AGTPBP1: variants seen among roughly 807,000 people sequenced by gnomAD.
The protein encoded by AGTPBP1 is cytosolic carboxypeptidase 1.
AGTPBP1 carries 70 observed loss-of-function variants against 143.9 expected under a neutral mutation model. The ratio of observed to expected loss-of-function variants is 0.49; its 90% CI spans 0.40 to 0.59. The LOEUF is 0.59. AGTPBP1 is among the 20% of genes least tolerant of loss of function. The pLI is 0.00. For missense variants in AGTPBP1, 1,229 were observed against 1,464.5 expected, an observed-to-expected ratio of 0.84 and a Z score of 2.62; for synonymous variants, 463 against 500.2, an observed-to-expected ratio of 0.93 and a Z score of 0.99.
chr9:85,572,234 GC>G (rs1827549450), intron 25 of AGTPBP1, among the ~76,000 whole-genome samples: 1 of 151,936 alleles, frequency 6.6e-6, no homozygotes, highest in East Asian at 1.9e-4. Context: ...CGCCATGTTG[GC>G]CAGGCTGGTC....
At chr9:85,645,661 C>G (rs1337707787) in intron 12 of AGTPBP1, among the ~76,000 whole-genome samples, 7 of 151,898 alleles carry the variant, frequency 4.6e-5, no homozygotes, top group Non-Finnish European at 7.4e-5. Context: ...CCTCCTCCCC[C>G]ATAAAAAAAA....
chr9:85,600,649 G>T lies in AGTPBP1; in HGVS notation c.2336-4200C>A, dbSNP rs113391828. On this transcript the variant is annotated intron_variant, in intron 17 of 25. Transcript: ENST00000357081. ...TACAGACTCCTCCAATCCTAGCCAGGGGGGAGCCCTCCATCCTCACAGGTC... is the reference window on the plus strand; with the variant it reads ...TACAGACTCCTCCAATCCTAGCCAGTGGGGAGCCCTCCATCCTCACAGGTC... Among the ~76,000 whole-genome samples, 39 of 152,152 alleles carry T rather than the reference G, an allele frequency of 2.6e-4. No individual in the cohort carries two copies. In the East Asian group the frequency reaches 7.2e-3, roughly 28 times the overall value.
rs777830669 is a variant in AGTPBP1, at chr9:85,630,391, C to CTTACTTAT, written c.2015+2270_2015+2271insATAAGTAA. 5.3e-5 allele frequency among the ~76,000 whole-genome samples: 8 copies of CTTACTTAT among 151,486 alleles called. No homozygotes were observed. The South Asian group carries it at 1.0e-3, about 20-fold the overall frequency. ...CAGGATTGACTTACTTACTTACTTA[C>CTTACTTAT]TTATTTATTTAGTTATTTATTTATT... is the stretch of plus-strand genomic sequence containing the variant. On this transcript the variant is annotated intron_variant, in intron 14 of 25. Transcript: ENST00000357081.
intron 2 of AGTPBP1, among the ~76,000 whole-genome samples, chr9:85,710,863 G>T (rs1309642449): frequency 6.6e-6 from 1 of 152,020 alleles, no homozygotes; most frequent in Admixed American, 6.6e-5. Flanking sequence ...TTATTTGTTT[G>T]ACCTGATGCA....
chr9:85,637,208 A>AT (rs890969099), intron 13 of AGTPBP1, among the ~76,000 whole-genome samples: 9 of 151,734 alleles, frequency 5.9e-5, no homozygotes, highest in African/African-American at 2.2e-4. Context: ...TGCCCAGCTA[A>AT]TTTTTTGTAT....
At position 85,546,964 on chromosome 9, in the gene AGTPBP1, T is replaced by C. The variant is rs2118271932; in HGVS notation, c.*145A>G. ...TTTTATCATTAATTAATAACACATT[T>C]ATTATCTTGAAACCAAACTGGCCCA... On this transcript the variant is annotated 3_prime_UTR_variant, in exon 26 of 26. Coordinates refer to ENST00000357081, the MANE Select transcript of AGTPBP1 (RefSeq NM_001330701.2). 1.5e-6 allele frequency: 1 copy of C among 681,010 alleles called. No homozygotes were observed. 42.2% of individuals were successfully genotyped at this position (681,010 alleles called of 1,614,324 possible). A position where few individuals can be genotyped will look rare whatever the true frequency, so the allele number is the denominator to read the frequency against.
At chr9:85,717,677 T>C (rs1390335072) in intron 1 of AGTPBP1, among the ~76,000 whole-genome samples, 1 of 133,078 alleles carries the variant, frequency 7.5e-6, no homozygotes, top group Non-Finnish European at 1.6e-5. Context: ...ATGAGTATCC[T>C]TTTTTTTTTT....
chr9:85,699,564 A>T (rs1419685906), intron 2 of AGTPBP1, among the ~76,000 whole-genome samples: 1 of 151,808 alleles, frequency 6.6e-6, no homozygotes, highest in Non-Finnish European at 1.5e-5. Context: ...GGCAATAAAG[A>T]CTTCCTCATA....
intron 20 of AGTPBP1, among the ~76,000 whole-genome samples, chr9:85,589,147 A>G (rs1828796354): frequency 6.6e-6 from 1 of 152,206 alleles, no homozygotes; most frequent in Non-Finnish European, 1.5e-5. Flanking sequence ...ATTCTGTGCT[A>G]GCTACCAAAA....
intron 17 of AGTPBP1, among the ~76,000 whole-genome samples, chr9:85,597,197 C>G (rs1829353116): frequency 6.6e-6 from 1 of 151,688 alleles, no homozygotes; most frequent in Non-Finnish European, 1.5e-5. Flanking sequence ...TCTTTTTTCC[C>G]TTTCCATTTC....
At chr9:85,752,048 G>A in the AGTPBP1 span, among the ~76,000 whole-genome samples, 1 of 151,676 alleles carries the variant, frequency 6.6e-6, no homozygotes, top group African/African-American at 2.4e-5. Context: ...GGCCAACATG[G>A]TAAAACCCTA....
chr9:85,683,934 C>G (rs1012271545), intron 3 of AGTPBP1, among the ~76,000 whole-genome samples: 2 of 152,064 alleles, frequency 1.3e-5, no homozygotes, highest in Non-Finnish European at 2.9e-5. Context: ...CAAGCACCCC[C>G]ACCCCCACCA....
intron 25 of AGTPBP1, among the ~76,000 whole-genome samples, chr9:85,554,582 CAG>C (rs1345727819): frequency 6.6e-6 from 1 of 152,144 alleles, no homozygotes; most frequent in East Asian, 1.9e-4. Flanking sequence ...TAAGGAAACT[CAG>C]GGGCTCTCTG....
At chr9:85,796,109 C>T in the AGTPBP1 span, among the ~76,000 whole-genome samples, 1 of 152,042 alleles carries the variant, frequency 6.6e-6, no homozygotes, top group African/African-American at 2.4e-5. Flanking sequence ...GGAATTGAGA[C>T]ACAGTAAGGA....
intron 3 of AGTPBP1, 54 bp downstream of exon 3, chr9:85,692,635 A>G: frequency 6.4e-7 from 1 of 1,570,842 alleles, no homozygotes. Flanking sequence ...TTTAGCATCC[A>G]CTTTTAAAGA....
At chr9:85,708,232 A>C (rs1837142279) in intron 2 of AGTPBP1, among the ~76,000 whole-genome samples, 10 of 151,820 alleles carry the variant, frequency 6.6e-5, no homozygotes, top group Admixed American at 6.6e-4. Context: ...CACATCTCCT[A>C]CTACTGACTC....
intron 14 of AGTPBP1, 85 bp from the exon 15 acceptor site, chr9:85,621,370 G>A (rs905520901): frequency 1.0e-5 from 6 of 572,948 alleles, no homozygotes; most frequent in African/African-American, 9.7e-5. Context: ...TGAAAAAAGT[G>A]CATGATAAAA....
chr9:85,563,639 G>T (rs1346819520), intron 25 of AGTPBP1, among the ~76,000 whole-genome samples: 1 of 152,200 alleles, frequency 6.6e-6, no homozygotes, highest in Non-Finnish European at 1.5e-5. Flanking sequence ...AAACGAGAAA[G>T]ACAGTTTGGG....
the AGTPBP1 span, among the ~76,000 whole-genome samples, chr9:85,759,522 C>T: frequency 1.3e-5 from 2 of 152,022 alleles, no homozygotes; most frequent in Non-Finnish European, 2.9e-5. Flanking sequence ...TGAATGACTA[C>T]TGGGTACATA....
Sources: allele counts gnomAD v4.1 joint callset (sites outside exome capture counted in the v4.1 genomes callset), GRCh38; gene constraint gnomAD v4.1.1; transcripts MANE v1.5; gene names NCBI Gene and HGNC (gene_info 2026-07-23, HGNC 2026-07-21).